The following ASPM variants were observed in gnomAD, a reference collection of about 807,000 sequenced individuals.
ASPM encodes the protein abnormal spindle-like microcephaly-associated protein.
ASPM carries 256 observed loss-of-function variants against 366.4 expected under a neutral mutation model. The observed-to-expected ratio is 0.70, with a 90% CI of 0.63 to 0.77. The LOEUF is 0.77. ASPM is among the 30% of genes least tolerant of loss of function. The probability of loss-of-function intolerance (pLI) is 0.00; values close to 1 mark genes in which losing one functional copy is unlikely to be tolerated. For synonymous variants in ASPM, 1,414 were observed against 1,342.9 expected (o/e 1.05, Z -1.16); for missense variants, 4,146 against 4,090.4 (o/e 1.01, Z -0.37).
chr1:197,121,115 T>C (rs1436867883), intron 16 of ASPM, among the ~76,000 whole-genome samples: 2 of 152,152 alleles, frequency 1.3e-5, no homozygotes, highest in Non-Finnish European at 2.9e-5. Flanking sequence ...TTACCAGGCA[T>C]GGATGCTTGT....
At chr1:197,145,739 A>G (rs1658746395) in intron 1 of ASPM, among the ~76,000 whole-genome samples, 1 of 152,048 alleles carries the variant, frequency 6.6e-6, no homozygotes, top group East Asian at 1.9e-4. Context: ...GTGCTTGTCA[A>G]TTTAACAGAG....
rs766341341 is a variant in ASPM, at chr1:197,102,355, T to G, written c.6896A>C (p.His2299Pro). 8 of 1,612,736 alleles carry G rather than the reference T, an allele frequency of 5.0e-6. No individual in the cohort carries two copies. The highest frequency in any genetic ancestry group is 6.8e-6 in the Non-Finnish European group (8 of 1,179,270). The change falls in exon 18 of 28, where the codon CAT becomes CCT. Residue 2299 changes from histidine to proline, a missense_variant. By Grantham distance (77) the His-to-Pro change is moderately conservative. Around this residue, in one of 3 missense-constraint regions of ASPM, gnomAD observed 3,624 missense variants for 3,591.7 expected, o/e 1.01. Transcript: ENST00000367409. ...CTGTAAGTGATGCTTTGTACAAAGA[T>G]GTGCCCGATATTTTCTCTGAATCAA... Reference protein sequence around the residue: ...AILIQRKYRAHLCTKHHLQFL... With the variant: ...AILIQRKYRAPLCTKHHLQFL...
At position 197,135,156 on chromosome 1, in the gene ASPM, A is replaced by G. The variant is rs1170356927; in HGVS notation, c.2113T>C (p.Trp705Arg). 5.6e-6 allele frequency: 9 copies of G among 1,612,848 alleles called. No homozygotes were observed. The highest frequency in any genetic ancestry group is 7.6e-6 in the Non-Finnish European group (9 of 1,178,962). The change falls in exon 5 of 28, where the codon TGG becomes CGG. Residue 705 changes from tryptophan to arginine, a missense_variant. By Grantham distance (101) the Trp-to-Arg change is moderately radical. Transcript: ENST00000367409. Reference sequence around the variant, plus strand: ...GGGGTTAATATAAAATTTAACCACCAAGTGAAGCCCTGTTCCTGCTTTTCC... The same window carrying G: ...GGGGTTAATATAAAATTTAACCACCGAGTGAAGCCCTGTTCCTGCTTTTCC... ...WKEKQEQGFT[W>R]WLNFILTPDD...
intron 18 of ASPM, 42 bp downstream of exon 18, chr1:197,100,389 G>GA: frequency 7.8e-7 from 1 of 1,283,048 alleles, no homozygotes; most frequent in Non-Finnish European, 1.1e-6. Flanking sequence ...TTGGTCAAAA[G>GA]AAAGACTCAC....
At chr1:197,105,235 A>C (rs779169348) in intron 17 of ASPM, 50 bp from the exon 18 acceptor site, 306 of 1,386,658 alleles carry the variant, frequency 2.2e-4, no homozygotes, top group Non-Finnish European at 3.0e-4. Context: ...AGCTTTCTAT[A>C]TTTAACACTT....
At chr1:197,133,698 A>G in intron 5 of ASPM, 103 bp from the exon 6 acceptor site, 1 of 1,370,398 alleles carries the variant, frequency 7.3e-7, no homozygotes, top group Non-Finnish European at 1.0e-6. Flanking sequence ...AACATAATCT[A>G]TTCCTCACCC....
At chr1:197,130,364 G>T (rs1342797785) in intron 7 of ASPM, among the ~76,000 whole-genome samples, 1 of 152,068 alleles carries the variant, frequency 6.6e-6, no homozygotes, top group Non-Finnish European at 1.5e-5. Context: ...TAGGCATGTT[G>T]TTCAAATTTA....
intron 4 of ASPM, chr1:197,138,663 A>G (rs1658490516): frequency 1.8e-6 from 1 of 552,212 alleles, no homozygotes; most frequent in African/African-American, 1.9e-5. Context: ...TAAGAACTTC[A>G]ATCAGATTTA....
At chr1:197,136,074 G>A (rs752978809) in intron 4 of ASPM, among the ~76,000 whole-genome samples, 40 of 152,222 alleles carry the variant, frequency 2.6e-4, no homozygotes, top group Non-Finnish European at 2.2e-4. Flanking sequence ...TTGAAGGCCA[G>A]TAGGCAGTGG....
chr1:197,131,413 A>C (rs1340935141), intron 7 of ASPM, among the ~76,000 whole-genome samples: 5 of 152,224 alleles, frequency 3.3e-5, no homozygotes, highest in African/African-American at 1.2e-4. Flanking sequence ...TATCTTTCTA[A>C]TTCAGTCAGT....
rs768535407 is a variant in ASPM, at chr1:197,084,353, C to T, written c.10405G>A (p.Val3469Met). 7 of 1,612,366 alleles carry T rather than the reference C, an allele frequency of 4.3e-6. No individual in the cohort carries two copies. The highest frequency in any genetic ancestry group is 8.5e-7 in the Non-Finnish European group (1 of 1,179,180). The change falls in exon 28 of 28, where the codon GTG (valine) becomes ATG (methionine). Residue 3469 changes from valine (V) to methionine (M), a missense_variant. Transcript: ENST00000367409. Reference protein sequence around the residue: ...ITNPLQAIQMVMDTLGIPY With the variant: ...ITNPLQAIQMMMDTLGIPY ...TAAGGAATGCCAAGCGTATCCATCA[C>T]CATTTGAATAGCTTGCAGGGGATTT...
intron 16 of ASPM, among the ~76,000 whole-genome samples, chr1:197,118,805 G>A (rs1267284205): frequency 2.6e-5 from 4 of 152,072 alleles, no homozygotes; most frequent in Non-Finnish European, 5.9e-5. Flanking sequence ...ATACGAATCA[G>A]GCAGTTTGGC....
chr1:197,119,409 T>C (rs1557954362), intron 16 of ASPM, among the ~76,000 whole-genome samples: 1 of 152,070 alleles, frequency 6.6e-6, no homozygotes, highest in Non-Finnish European at 1.5e-5. Flanking sequence ...GAGACAAAAG[T>C]TGTAAGGGTC....
Position 197,125,065 on chromosome 1 carries a change from A to C in ASPM, c.3063T>G (p.Ile1021Met). Residue 1021 changes from isoleucine (I) to methionine (M), a missense_variant, in exon 11 of 28, where the codon ATT becomes ATG. Physicochemically the swap from Ile to Met is conservative, Grantham distance 10. Coordinates refer to ENST00000367409, the MANE Select transcript of ASPM (RefSeq NM_018136.5). Reference sequence around the variant, plus strand: ...TTTTACCATGCTCATCACTTAATTCAATTCCTCGTGATTTAAGAACTTGAA... The same window carrying C: ...TTTTACCATGCTCATCACTTAATTCCATTCCTCGTGATTTAAGAACTTGAA... The part of the protein sequence containing the change: ...IVLQVLKSRG[I>M]ELSDEHGNTI... The C allele has an allele frequency of 6.2e-7, 1 of 1,614,018 alleles. No individual in the cohort carries two copies. The highest frequency in any genetic ancestry group is 2.2e-5 in the East Asian group (1 of 44,860).
intron 3 of ASPM, among the ~76,000 whole-genome samples, chr1:197,140,556 G>C (rs747414750): frequency 1.3e-5 from 2 of 152,176 alleles, no homozygotes; most frequent in Non-Finnish European, 2.9e-5. Context: ...GAGCAATTAA[G>C]CCACATGGTC....
chr1:197,096,744 A>G (rs528121187), intron 18 of ASPM, among the ~76,000 whole-genome samples: 44 of 151,786 alleles, frequency 2.9e-4, no homozygotes, highest in Non-Finnish European at 4.9e-4. Flanking sequence ...TCACATGGGT[A>G]GATAATACTA....
In ASPM at chr1:197,133,890, A is replaced by T. The variant is rs185274204; in HGVS notation, c.2174-295T>A. 6.1e-3 allele frequency among the ~76,000 whole-genome samples: 928 copies of T among 152,194 alleles called. 11 individuals are homozygous for T. The highest frequency in any genetic ancestry group is 0.02 in the African/African-American group (839 of 41,460). ...TTTATCTGTTCCCATCCTTTTTATAAATTAATAAAAGTCAAGTTTCTAAGG... is the reference window on the plus strand; with the variant it reads ...TTTATCTGTTCCCATCCTTTTTATATATTAATAAAAGTCAAGTTTCTAAGG... On this transcript the variant is annotated intron_variant, in intron 5 of 27. Coordinates refer to ENST00000367409, the MANE Select transcript of ASPM (RefSeq NM_018136.5).
chr1:197,102,849 T>C lies in ASPM; in HGVS notation c.6402A>G (p.Ile2134Met). Residue 2134 changes from isoleucine (I) to methionine (M), a missense_variant, in exon 18 of 28, where the codon ATA becomes ATG. By Grantham distance (10) the Ile-to-Met change is conservative (BLOSUM62 1). Transcript: ENST00000367409. ...KAMFKMHQSRISYHTMRKAAI... is the reference protein window; with the variant it reads ...KAMFKMHQSRMSYHTMRKAAI... Reference sequence around the variant, plus strand: ...CTGCTTTTCTCATTGTATGGTAACTTATTCTTGACTGATGCATTTTAAACA... The same window carrying C: ...CTGCTTTTCTCATTGTATGGTAACTCATTCTTGACTGATGCATTTTAAACA... 1 of 1,612,508 alleles carries C rather than the reference T, an allele frequency of 6.2e-7. No individual in the cohort carries two copies. The highest frequency in any genetic ancestry group is 8.5e-7 in the Non-Finnish European group (1 of 1,179,238).
rs1451306414 is a variant in ASPM, at chr1:197,102,257, G to C, written c.6994C>G (p.Arg2332Gly). 6.2e-7 allele frequency: 1 copy of C among 1,612,642 alleles called. No individual in the cohort carries two copies. The highest frequency in any genetic ancestry group is 8.5e-7 in the Non-Finnish European group (1 of 1,179,246). Residue 2332 changes from arginine to glycine, a missense_variant, in exon 18 of 28, where the codon CGA (arginine) becomes GGA (glycine). Arg to Gly is a moderately radical substitution (Grantham distance 125, BLOSUM62 -2). Transcript: ENST00000367409. ...AAAGTAGCAGCCCTGTGCATCTCTCGCATCCTTTTCCTTATCATCCATCTT... is the reference window on the plus strand; with the variant it reads ...AAAGTAGCAGCCCTGTGCATCTCTCCCATCCTTTTCCTTATCATCCATCTT... ...YRRWMIRKRM[R>G]EMHRAATFIQ...
Sources: gnomAD v4.1 joint callset for allele counts (sites outside exome capture counted in the v4.1 genomes callset) on GRCh38, gnomAD v4.1.1 for gene constraint, gnomAD v4.1.1 regional missense constraint, MANE v1.5 for transcripts, NCBI Gene and HGNC (gene_info 2026-07-23, HGNC 2026-07-21) for gene names.